The following ZNF423 variants were observed in gnomAD, a reference collection of about 807,000 sequenced individuals.
The protein encoded by ZNF423 is zinc finger protein 423.
ZNF423 carries 12 observed loss-of-function variants against 95.8 expected under a neutral mutation model. The observed-to-expected ratio is 0.13, with a 90% confidence interval of 0.08 to 0.20. ZNF423 has a LOEUF of 0.20. ZNF423 is among the 10% of genes least tolerant of loss of function. ZNF423 has a pLI of 1.00. For missense variants in ZNF423, 1,316 were observed against 1,737.1 expected (o/e 0.76, Z 4.31); for synonymous variants, 749 against 711.9 (o/e 1.05, Z -0.83).
At chr16:49,751,103 C>T (rs2160283) in intron 2 of ZNF423, among the ~76,000 whole-genome samples, 1 of 152,250 alleles carries the variant, frequency 6.6e-6, no homozygotes, top group South Asian at 2.1e-4. Flanking sequence ...GCACACAACT[C>T]CATTCAAGGC....
chr16:49,827,484 T>C (rs1206352793), intron 1 of ZNF423, among the ~76,000 whole-genome samples: 1 of 152,000 alleles, frequency 6.6e-6, no homozygotes, highest in Non-Finnish European at 1.5e-5. Flanking sequence ...TCAGTAATAC[T>C]TGATTGGATG....
chr16:49,610,755 T>C (rs1971696606), intron 5 of ZNF423, among the ~76,000 whole-genome samples: 1 of 152,056 alleles, frequency 6.6e-6, no homozygotes, highest in African/African-American at 2.4e-5. Flanking sequence ...GACTCACCTA[T>C]GTGCTGTCTA....
chr16:49,766,926 A>AGACTCCAG (rs1272743725), intron 2 of ZNF423, among the ~76,000 whole-genome samples: 5 of 152,132 alleles, frequency 3.3e-5, no homozygotes, highest in African/African-American at 4.8e-5. Context: ...ATGACCTGGC[A>AGACTCCAG]AACTCCAGAA....
chr16:49,736,500 C>A (rs951357527), intron 2 of ZNF423, among the ~76,000 whole-genome samples: 11 of 152,188 alleles, frequency 7.2e-5, no homozygotes, highest in African/African-American at 2.7e-4. Flanking sequence ...TCATGTTTCG[C>A]TGGAAAGCAC....
In ZNF423 at chr16:49,637,899, T is replaced by A. The variant is rs1972800119; in HGVS notation, c.1277A>T (p.Asp426Val). 6.2e-7 allele frequency: 1 copy of A among 1,613,940 alleles called. No individual in the cohort carries two copies. Among genetic ancestry groups the A allele is most frequent in the Admixed American group, 1.7e-5 (1 of 59,992 alleles). The change falls in exon 4 of 8, where the codon GAC becomes GTC. Residue 426 changes from aspartate (D) to valine (V), a missense_variant. By Grantham distance (152) the Asp-to-Val change is radical. Coordinates refer to ENST00000563137, the MANE Select transcript of ZNF423 (RefSeq NM_001379286.1). This position sits in a 1 kb window ranked among gnomAD's most constrained non-coding sequence, Gnocchi z 5.6. ...VYSCPYCSKR[D>V]FNSLAVLEIH... ...CTCCAGCACGGCCAGGCTGTTAAAG[T>A]CCCGCTTGGAACAATAGGGGCAGCT...
chr16:49,717,615 A>T (rs1289764560), intron 3 of ZNF423, among the ~76,000 whole-genome samples: 1 of 152,218 alleles, frequency 6.6e-6, no homozygotes, highest in Non-Finnish European at 1.5e-5. Context: ...GAGTCCCTGG[A>T]TTCAGCTGCA....
intron 3 of ZNF423, among the ~76,000 whole-genome samples, chr16:49,656,136 C>A (rs550351222): frequency 6.6e-6 from 1 of 152,030 alleles, no homozygotes; most frequent in Non-Finnish European, 1.5e-5. Flanking sequence ...GTAGGTGAGA[C>A]GGAGGACTGA....
chr16:49,796,197 C>T (rs1034442849), intron 1 of ZNF423, among the ~76,000 whole-genome samples: 2 of 152,154 alleles, frequency 1.3e-5, no homozygotes, highest in Admixed American at 6.5e-5. Flanking sequence ...GTAGCTACAA[C>T]TCTCCTGCTC....
chr16:49,518,558 G>T, intron 7 of ZNF423: 1 of 431,660 alleles, frequency 2.3e-6, no homozygotes, highest in Non-Finnish European at 4.5e-6. Context: ...TTTCACATCA[G>T]TTACACAAAA....
intron 3 of ZNF423, among the ~76,000 whole-genome samples, chr16:49,723,607 G>T (rs4785336): frequency 0.097 from 14,712 of 152,146 alleles, 1,060 homozygotes; most frequent in South Asian, 0.28. Flanking sequence ...TGACACTGGG[G>T]TTATATTTAG....
rs116799290 is a variant in ZNF423, at chr16:49,559,359, G to T, written c.3602-33865C>A. Among the ~76,000 whole-genome samples the T allele has an allele frequency of 2.9e-3, 442 of 152,360 alleles. 1 individual carries two copies. Among genetic ancestry groups the T allele is most frequent in the African/African-American group, 0.01 (429 of 41,582 alleles). ...AAGCAAAGCCTTCTCTGCTAATGAG[G>T]TATGGTGGGCTGGAGCATCAGCATG... On this transcript the variant is annotated intron_variant, in intron 5 of 7. Coordinates refer to ENST00000563137, the MANE Select transcript of ZNF423 (RefSeq NM_001379286.1).
intron 2 of ZNF423, among the ~76,000 whole-genome samples, chr16:49,758,429 G>A (rs2033768185): frequency 6.6e-6 from 1 of 152,164 alleles, no homozygotes; most frequent in Non-Finnish European, 1.5e-5. Context: ...GTGAGCCACT[G>A]CGCCTGACCA....
chr16:49,626,684 T>A (rs1972284208), intron 4 of ZNF423, among the ~76,000 whole-genome samples: 1 of 149,532 alleles, frequency 6.7e-6, no homozygotes, highest in South Asian at 2.2e-4. Flanking sequence ...CACTCATTCA[T>A]CTATCCATCT....
intron 2 of ZNF423, among the ~76,000 whole-genome samples, chr16:49,759,386 G>A (rs553596707): frequency 7.8e-4 from 118 of 151,560 alleles, no homozygotes; most frequent in Middle Eastern, 3.4e-3. Flanking sequence ...GTGACAGGGC[G>A]AGACGCCACC....
At chr16:49,575,093 C>T (rs781455609) in intron 5 of ZNF423, among the ~76,000 whole-genome samples, 2 of 152,120 alleles carry the variant, frequency 1.3e-5, no homozygotes, top group Non-Finnish European at 2.9e-5. Flanking sequence ...AACCAGGAGT[C>T]ATTGCAGGAG....
chr16:49,626,877 C>A (rs1972297246), intron 4 of ZNF423, among the ~76,000 whole-genome samples: 1 of 142,668 alleles, frequency 7.0e-6, no homozygotes, highest in Non-Finnish European at 1.6e-5. Context: ...ATCCATCCAT[C>A]TACATAATAC....
intron 2 of ZNF423, among the ~76,000 whole-genome samples, chr16:49,736,399 C>T (rs577470483): frequency 9.2e-5 from 14 of 152,240 alleles, no homozygotes; most frequent in Non-Finnish European, 2.1e-4. Context: ...TACACCACAC[C>T]CACCCAAACC....
At chr16:49,614,752 T>C (rs1971822514) in intron 5 of ZNF423, among the ~76,000 whole-genome samples, 1 of 152,196 alleles carries the variant, frequency 6.6e-6, no homozygotes, top group South Asian at 2.1e-4. Flanking sequence ...CATGTGAATA[T>C]ACAATTATCT....
At chr16:49,678,228 A>T (rs929680230) in intron 3 of ZNF423, among the ~76,000 whole-genome samples, 15 of 150,294 alleles carry the variant, frequency 1.0e-4, no homozygotes, top group African/African-American at 3.4e-4. Flanking sequence ...TATGTGTTTT[A>T]TTTTTTTTTT....
Sources: allele counts gnomAD v4.1 joint callset (sites outside exome capture counted in the v4.1 genomes callset), GRCh38; gene constraint gnomAD v4.1.1; non-coding constraint Gnocchi (gnomAD v3.1); transcripts MANE v1.5; gene names NCBI Gene and HGNC (gene_info 2026-07-23, HGNC 2026-07-21).